The following LRP2 variants were observed in gnomAD, a reference collection of about 807,000 sequenced individuals.
The protein encoded by LRP2 is low-density lipoprotein receptor-related protein 2.
Under a neutral mutation model 531.0 loss-of-function variants are expected in LRP2, and 172 were observed. The ratio of observed to expected loss-of-function variants is 0.32; its 90% CI spans 0.29 to 0.37. The LOEUF (loss-of-function observed/expected upper bound fraction) is 0.37. Among genes scored for constraint, LRP2 ranks in the 10% least tolerant of loss-of-function variants. The pLI, the probability that LRP2 is intolerant of heterozygous loss-of-function variation, is 1.00. For synonymous variants in LRP2, 1,992 were observed against 2,027.6 expected (o/e 0.98, Z 0.47); for missense variants, 5,167 against 5,868.3 (o/e 0.88, Z 3.90).
chr2:169,281,958 G>A (rs1187752042), intron 10 of LRP2, among the ~76,000 whole-genome samples: 1 of 152,024 alleles, frequency 6.6e-6, no homozygotes. Context: ...TTACTCATAG[G>A]AAAGAGAAGG....
intron 29 of LRP2, among the ~76,000 whole-genome samples, chr2:169,234,821 T>A (rs1177088126): frequency 6.6e-6 from 1 of 152,208 alleles, no homozygotes; most frequent in Non-Finnish European, 1.5e-5. Context: ...ATTTTCCCAT[T>A]TAACTTGTGA....
At chr2:169,205,754 T>C (rs1688355467) in intron 40 of LRP2, 117 bp from the exon 41 acceptor site, 1 of 1,086,112 alleles carries the variant, frequency 9.2e-7, no homozygotes, top group African/African-American at 1.6e-5. Context: ...CAAAAGAAAC[T>C]TCATTTCTAC....
At chr2:169,247,088 A>AAACAG in intron 20 of LRP2, 102 bp from the exon 21 acceptor site, 1 of 1,348,688 alleles carries the variant, frequency 7.4e-7, no homozygotes, top group Non-Finnish European at 1.0e-6. Context: ...AACATTTTTC[A>AAACAG]GACCCAATAC....
intron 44 of LRP2, among the ~76,000 whole-genome samples, 161 bp from the exon 45 acceptor site, chr2:169,199,072 T>C (rs553807312): frequency 6.6e-6 from 1 of 152,286 alleles, no homozygotes; most frequent in Admixed American, 6.5e-5. Context: ...ATGTTACCTA[T>C]AGATTCTGTA....
intron 74 of LRP2, among the ~76,000 whole-genome samples, 185 bp downstream of exon 74, chr2:169,139,066 A>C (rs924416310): frequency 1.3e-5 from 2 of 152,232 alleles, no homozygotes; most frequent in African/African-American, 2.4e-5. Flanking sequence ...GGCTTTAGAG[A>C]AGCACTTGAC....
chr2:169,199,171 A>G (rs1223875575), intron 44 of LRP2, among the ~76,000 whole-genome samples: 2 of 152,254 alleles, frequency 1.3e-5, no homozygotes, highest in Non-Finnish European at 2.9e-5. Flanking sequence ...ATTAATTAAT[A>G]GCATCAACAA....
intron 56 of LRP2, 130 bp downstream of exon 56, chr2:169,173,789 T>C: frequency 7.8e-7 from 1 of 1,282,060 alleles, no homozygotes; most frequent in Non-Finnish European, 1.1e-6. Context: ...TGCCAGAGTT[T>C]GCAGGGAGTG....
Position 169,156,315 on chromosome 2 carries a change from G to T in LRP2, c.12110C>A (p.Thr4037Lys). The T allele has an allele frequency of 1.9e-6, 3 of 1,613,652 alleles. No homozygotes were observed. The highest frequency in any genetic ancestry group is 2.5e-6 in the Non-Finnish European group (3 of 1,179,702). ...TTTTCCAGGGCGGTCACTCATAGACGTGAAGCCATCAGCACAGACACACTC... is the reference window on the plus strand; with the variant it reads ...TTTTCCAGGGCGGTCACTCATAGACTTGAAGCCATCAGCACAGACACACTC... ...SYECVCADGFTSMSDRPGKRC... is the reference protein window; with the variant it reads ...SYECVCADGFKSMSDRPGKRC... The change falls in exon 65 of 79, where the codon ACG becomes AAG. Residue 4037 changes from threonine to lysine, a missense_variant. Transcript: ENST00000649046.
chr2:169,207,387 T>C, intron 38 of LRP2, 137 bp from the exon 39 acceptor site: 1 of 692,160 alleles, frequency 1.4e-6, no homozygotes, highest in Non-Finnish European at 2.6e-6. Context: ...GATGATAGTG[T>C]CCCAGTCTAG....
At chr2:169,235,198 C>A (rs185577872) in intron 29 of LRP2, among the ~76,000 whole-genome samples, 1 of 150,482 alleles carries the variant, frequency 6.6e-6, no homozygotes, top group Non-Finnish European at 1.5e-5. Flanking sequence ...AGATGTGAGA[C>A]AATGTGCCTG....
chr2:169,204,594 A>G (rs1278414484), intron 41 of LRP2, among the ~76,000 whole-genome samples: 3 of 152,228 alleles, frequency 2.0e-5, no homozygotes, highest in Non-Finnish European at 4.4e-5. Flanking sequence ...CAGACTCTCA[A>G]TAAAACAATA....
chr2:169,177,784 C>T lies in LRP2; in HGVS notation c.10393+19G>A. ...ATAACCCAAGGCAACCTTGCCAAAC[C>T]CCTCAATCACCTACTCACCAATGGG... On this transcript the variant is annotated intron_variant, in intron 53 of 78. Coordinates refer to ENST00000649046, the MANE Select transcript of LRP2 (RefSeq NM_004525.3). 1 of 1,608,578 alleles carries T rather than the reference C, an allele frequency of 6.2e-7. No individual in the cohort carries two copies. Among genetic ancestry groups the T allele is most frequent in the Admixed American group, 1.7e-5 (1 of 60,012 alleles).
chr2:169,320,698 T>C (rs995040828), intron 2 of LRP2, 79 bp downstream of exon 2: 2 of 1,213,922 alleles, frequency 1.6e-6, no homozygotes. Flanking sequence ...GCATAGCTCT[T>C]CTCTTTGTTA....
Position 169,213,714 on chromosome 2 carries a change from T to C in LRP2, c.5983A>G (p.Ile1995Val), listed in dbSNP as rs1264416542. Residue 1995 changes from isoleucine (I) to valine (V), a missense_variant, in exon 36 of 79, where the codon ATA becomes GTA. This residue lies in a region of LRP2 where 2,811 missense variants were observed against 3,058.0 expected (regional missense o/e 0.92). Transcript: ENST00000649046. Reference protein sequence around the residue: ...RVDKATGANKIVLRDNVPNLR... With the variant: ...RVDKATGANKVVLRDNVPNLR... ...TTTGGAACATTATCTCTCAAGACTA[T>C]TTTGTTGGCCCCAGTGGCCTTATCA... The C allele has an allele frequency of 1.2e-6, 2 of 1,613,722 alleles. No individual in the cohort carries two copies. Among genetic ancestry groups the C allele is most frequent in the Admixed American group, 3.3e-5 (2 of 59,980 alleles).
At chr2:169,146,613 G>A in intron 69 of LRP2, 126 bp downstream of exon 69, 2 of 705,420 alleles carry the variant, frequency 2.8e-6, no homozygotes, top group East Asian at 5.5e-5. Flanking sequence ...GGGGTGGAGG[G>A]GTGGTATCTA....
At chr2:169,304,363 A>G (rs1684360677) in intron 4 of LRP2, among the ~76,000 whole-genome samples, 1 of 152,176 alleles carries the variant, frequency 6.6e-6, no homozygotes, top group Non-Finnish European at 1.5e-5. Flanking sequence ...ATACAACCTC[A>G]AACAAGTCAC....
At position 169,207,165 on chromosome 2, in the gene LRP2, A is replaced by G. The variant is rs1339569723; in HGVS notation, c.6555T>C (p.Leu2185=). 1 of 1,613,458 alleles carries G rather than the reference A, an allele frequency of 6.2e-7. No homozygotes were observed. The highest frequency in any genetic ancestry group is 8.5e-7 in the Non-Finnish European group (1 of 1,179,820). Residue 2185 remains leucine, a synonymous_variant, in exon 39 of 79, where the codon CTT becomes CTC. Coordinates refer to ENST00000649046, the MANE Select transcript of LRP2 (RefSeq NM_004525.3). ...GCCTAGGCATGTCCACTGTGACTTTAAGAAGAACACGGCGGTAAGTAGTAT... is the reference window on the plus strand; with the variant it reads ...GCCTAGGCATGTCCACTGTGACTTTGAGAAGAACACGGCGGTAAGTAGTAT... ...RINTTYRRVL[L]KVTVDMPRHI...
chr2:169,272,199 G>GA (rs1215548029), intron 15 of LRP2, among the ~76,000 whole-genome samples: 2 of 152,182 alleles, frequency 1.3e-5, no homozygotes, highest in East Asian at 3.9e-4. Context: ...ATGTAGAAGT[G>GA]AAAATAAGAA....
chr2:169,130,566 G>A (rs1002816441), intron 77 of LRP2, among the ~76,000 whole-genome samples: 3 of 152,204 alleles, frequency 2.0e-5, no homozygotes, highest in African/African-American at 7.2e-5. Context: ...GATTACAGGT[G>A]TGAGCCACCG....
Sources: allele counts gnomAD v4.1 joint callset (sites outside exome capture counted in the v4.1 genomes callset), GRCh38; gene constraint gnomAD v4.1.1; regional missense constraint gnomAD v4.1.1; transcripts MANE v1.5; gene names NCBI Gene and HGNC (gene_info 2026-07-23, HGNC 2026-07-21).